The following ANKRD46 variants were observed in gnomAD, a reference collection of about 807,000 sequenced individuals.
ANKRD46 encodes the protein ankyrin repeat domain 46, also known as ankyrin repeat domain-containing protein 46.
ANKRD46 carries 13 observed loss-of-function variants against 19.8 expected under a neutral mutation model. That is an observed-to-expected ratio of 0.66 (90% CI 0.43 to 1.04). The LOEUF is 1.04. Ranked by LOEUF, ANKRD46 falls within the 50% of genes least tolerant of loss-of-function variation. ANKRD46 has a pLI of 0.00. For missense variants in ANKRD46, 185 were observed against 274.8 expected (o/e 0.67, Z 2.31); for synonymous variants, 91 against 106.9 (o/e 0.85, Z 0.92).
At chr8:100,512,138 G>C (rs746555709) in intron 5 of ANKRD46, among the ~76,000 whole-genome samples, 1 of 152,166 alleles carries the variant, frequency 6.6e-6, no homozygotes, top group Non-Finnish European at 1.5e-5. Context: ...GAGAATGAAT[G>C]AGCCTGTTTA....
Position 100,511,000 on chromosome 8 carries a change from T to C in ANKRD46, c.637-361A>G, listed in dbSNP as rs1811540330. On this transcript the variant is annotated intron_variant, in intron 5 of 5. Transcript: ENST00000520552. The surrounding 1 kb of genome is among the most constrained non-coding windows in gnomAD (Gnocchi z 4.9). ...ACAAGAATAGAGGTTGACCTGTCTT[T>C]CAGCAAATAAATGCTTCCTAATGCA... 6.6e-6 allele frequency among the ~76,000 whole-genome samples: 1 copy of C among 152,220 alleles called. No individual in the cohort carries two copies. The highest frequency in any genetic ancestry group is 2.4e-5 in the African/African-American group (1 of 41,462).
At position 100,527,379 on chromosome 8, in the gene ANKRD46, T is replaced by G; in HGVS notation, c.470+466A>C. Among the ~76,000 whole-genome samples the G allele has an allele frequency of 6.6e-6, 1 of 152,234 alleles. No homozygotes were observed. ...AACTACCTTTCAGTCTTTTCTAAAA[T>G]TGCCCAAGTTCTTGGCTTTACTTAT... On this transcript the variant is annotated intron_variant, in intron 4 of 4. Transcript: ENST00000335659. The surrounding 1 kb of genome is among the most constrained non-coding windows in gnomAD (Gnocchi z 4.0).
rs1044504 is a variant in ANKRD46, at chr8:100,522,524, C to G, written c.*31G>C. On this transcript the variant is annotated 3_prime_UTR_variant, in exon 5 of 5. Coordinates refer to ENST00000335659, the MANE Select transcript of ANKRD46 (RefSeq NM_001270377.2). ...CAAACATTGGAAGCCAGGAAACAGG[C>G]AATTAATTGCCTCATCTTCCATGAG... 1.9e-6 allele frequency: 3 copies of G among 1,609,788 alleles called. No homozygotes were observed. The highest frequency in any genetic ancestry group is 1.7e-6 in the Non-Finnish European group (2 of 1,177,140).
chr8:100,515,661 A>AGGG (rs368942546), intron 5 of ANKRD46, among the ~76,000 whole-genome samples: 37 of 59,990 alleles, frequency 6.2e-4, no homozygotes, highest in African/African-American at 2.2e-3. Flanking sequence ...GGTGCGGGGG[A>AGGG]GGGGGGGGGC....
chr8:100,515,868 G>GTTTTT (rs1371274884), downstream of ANKRD46, among the ~76,000 whole-genome samples: 1 of 147,796 alleles, frequency 6.8e-6, no homozygotes, highest in African/African-American at 2.5e-5. Flanking sequence ...CCAGTAACTT[G>GTTTTT]TTTTTGTTTT....
chr8:100,556,622 T>A (rs888235595), intron 1 of ANKRD46: 1 of 152,212 alleles, frequency 6.6e-6, no homozygotes, highest in Non-Finnish European at 1.5e-5. Context: ...CCTCCTGTTG[T>A]CTCTTGAAAC....
At chr8:100,518,858 A>T (rs1278251789), downstream of ANKRD46, among the ~76,000 whole-genome samples, 10 of 126,636 alleles carry the variant, frequency 7.9e-5, no homozygotes, top group Admixed American at 3.9e-4. Context: ...TCTCAAAAAA[A>T]AAAAATAAAT....
chr8:100,556,956 A>T (rs1586807891), intron 1 of ANKRD46: 1 of 152,306 alleles, frequency 6.6e-6, no homozygotes, highest in Non-Finnish European at 1.5e-5. Flanking sequence ...TCATGGCTTT[A>T]AATACTACCC....
At chr8:100,540,927 CTG>C (rs1204726251) in intron 1 of ANKRD46, among the ~76,000 whole-genome samples, 6 of 151,456 alleles carry the variant, frequency 4.0e-5, no homozygotes, top group Non-Finnish European at 7.4e-5. Context: ...TTCTTTAAAA[CTG>C]TTTTTTTCTA....
chr8:100,540,285 C>T (rs1327777657), intron 1 of ANKRD46, among the ~76,000 whole-genome samples: 1 of 151,862 alleles, frequency 6.6e-6, no homozygotes, highest in African/African-American at 2.4e-5. Context: ...TAAGGGAGAA[C>T]ATTAGTCTAG....
Position 100,550,885 on chromosome 8 carries a change from G to A in ANKRD46, c.-131+8826C>T, listed in dbSNP as rs1250174783. 1.1e-5 allele frequency: 6 copies of A among 542,676 alleles called. No individual in the cohort carries two copies. Among genetic ancestry groups the A allele is most frequent in the Admixed American group, 2.2e-5 (1 of 46,002 alleles). 33.6% of individuals were successfully genotyped at this position (542,676 alleles called of 1,614,324 possible). On this transcript the variant is annotated intron_variant, in intron 1 of 4. Transcript: ENST00000335659. This position sits in a 1 kb window ranked among gnomAD's most constrained non-coding sequence, Gnocchi z 4.4. ...CTGTTAAAGTCAGAGGAAACAACCT[G>A]GTGTTCAGTGTAGCCCAAGATGCCC... is the stretch of plus-strand genomic sequence containing the variant.
rs1812301065 is a variant in ANKRD46, at chr8:100,547,738, TTGA to T, written c.-131+11970_-131+11972del. ...CCCTAGAAACCCTGGCTTCAAATCC[TTGA>T]TGCTTTCTTTTCTCCTGACAGTGAA... On this transcript the variant is annotated intron_variant, in intron 1 of 4. Transcript: ENST00000335659. Among the ~76,000 whole-genome samples, 7 of 152,358 alleles carry T rather than the reference TTGA, an allele frequency of 4.6e-5. No homozygotes were observed. In the South Asian group the frequency reaches 1.4e-3, roughly 32 times the overall value.
intron 2 of ANKRD46, among the ~76,000 whole-genome samples, chr8:100,531,781 C>A (rs1258410669): frequency 6.6e-6 from 1 of 152,090 alleles, no homozygotes; most frequent in Non-Finnish European, 1.5e-5. Context: ...ATAGCTGGGA[C>A]TACTATTTCA....
chr8:100,514,541 T>C (rs954729606), intron 5 of ANKRD46, among the ~76,000 whole-genome samples: 1 of 150,740 alleles, frequency 6.6e-6, no homozygotes, highest in African/African-American at 2.4e-5. Flanking sequence ...GAAGACTCTA[T>C]TGAACATCCT....
At chr8:100,531,344 G>C (rs1811958907) in intron 2 of ANKRD46, among the ~76,000 whole-genome samples, 1 of 152,146 alleles carries the variant, frequency 6.6e-6, no homozygotes, top group Non-Finnish European at 1.5e-5. Context: ...ATCTATTCTT[G>C]TGCCTAACCT....
intron 1 of ANKRD46, among the ~76,000 whole-genome samples, chr8:100,538,969 T>A (rs62515189): frequency 0.05 from 7,660 of 152,318 alleles, 301 homozygotes; most frequent in Non-Finnish European, 0.074. Flanking sequence ...ATTTTTCCTA[T>A]CACATAGATT....
In ANKRD46 at chr8:100,510,740, C is replaced by T. The variant is rs1187598069; in HGVS notation, c.637-101G>A. 5 of 1,079,344 alleles carry T rather than the reference C, an allele frequency of 4.6e-6. No individual in the cohort carries two copies. Among genetic ancestry groups the T allele is most frequent in the Admixed American group, 2.5e-5 (1 of 40,008 alleles). 66.9% of individuals were successfully genotyped at this position (1,079,344 alleles called of 1,614,324 possible). On this transcript the variant is annotated intron_variant, in intron 5 of 5. Transcript: ENST00000520552. This position sits in a 1 kb window ranked among gnomAD's most constrained non-coding sequence, Gnocchi z 4.9. ...CAGATACAATCATAAATATATAGAA[C>T]CAGAAAGCACAGGCTTGCTTCTCCT... is the stretch of plus-strand genomic sequence containing the variant.
At chr8:100,553,388 C>T (rs756593485) in intron 1 of ANKRD46, among the ~76,000 whole-genome samples, 1 of 152,182 alleles carries the variant, frequency 6.6e-6, no homozygotes, top group Non-Finnish European at 1.5e-5. Flanking sequence ...ACTAAAACTG[C>T]CACCAAAGTT....
In ANKRD46 at chr8:100,551,724, A is replaced by G. The variant is rs137928882; in HGVS notation, c.-131+7987T>C. The G allele has an allele frequency of 6.8e-6, 4 of 588,904 alleles. No homozygotes were observed. The East Asian group carries it at 1.5e-4, about 22-fold the overall frequency. 36.5% of individuals were successfully genotyped at this position (588,904 alleles called of 1,614,324 possible). On this transcript the variant is annotated intron_variant, in intron 1 of 4. Coordinates refer to ENST00000335659, the MANE Select transcript of ANKRD46 (RefSeq NM_001270377.2). ...CTTCACCTTCACCATGATGTCTTAG[A>G]GACATGGCTTTGAGAAGAGGATGGT...
Sources: gnomAD v4.1 joint callset for allele counts (sites outside exome capture counted in the v4.1 genomes callset) on GRCh38, gnomAD v4.1.1 for gene constraint, Gnocchi (gnomAD v3.1) non-coding constraint, MANE v1.5 for transcripts, NCBI Gene and HGNC (gene_info 2026-07-23, HGNC 2026-07-21) for gene names.